The following KCNIP1 variants were observed in gnomAD, a reference collection of about 807,000 sequenced individuals.
KCNIP1 encodes potassium voltage-gated channel interacting protein 1.
KCNIP1 carries 18 observed loss-of-function variants against 33.0 expected under a neutral mutation model. The observed-to-expected ratio is 0.55, with a 90% confidence interval of 0.38 to 0.81. The LOEUF (loss-of-function observed/expected upper bound fraction) is 0.81, where lower values mean the gene tolerates loss of function less well. KCNIP1 is among the 30% of genes least tolerant of loss of function. The pLI is 0.00. For synonymous variants in KCNIP1, 93 were observed against 98.3 expected (o/e 0.95, Z 0.32); for missense variants, 238 against 271.6 (o/e 0.88, Z 0.87).
At chr5:170,664,922 TC>T (rs774345477) in intron 1 of KCNIP1, among the ~76,000 whole-genome samples, 66 of 152,264 alleles carry the variant, frequency 4.3e-4, no homozygotes, top group Non-Finnish European at 9.1e-4. Flanking sequence ...TTTAGTTGAC[TC>T]CCGAACTAAC....
chr5:170,445,310 A>G (rs1015367797), intron 1 of KCNIP1, among the ~76,000 whole-genome samples: 7 of 152,168 alleles, frequency 4.6e-5, no homozygotes, highest in Admixed American at 4.6e-4. Flanking sequence ...CGTTGAATGA[A>G]TGAATGAATA....
intron 1 of KCNIP1, among the ~76,000 whole-genome samples, chr5:170,585,889 C>T (rs1043000581): frequency 6.6e-5 from 10 of 152,226 alleles, no homozygotes; most frequent in African/African-American, 2.2e-4. Flanking sequence ...AACCCTGGCC[C>T]TCCAAGCCCT....
chr5:170,635,424 C>A (rs983226772), intron 1 of KCNIP1, among the ~76,000 whole-genome samples: 4 of 152,194 alleles, frequency 2.6e-5, no homozygotes, highest in African/African-American at 9.7e-5. Flanking sequence ...TGCCTTCCCT[C>A]ACTCCCCTGT....
intron 1 of KCNIP1, among the ~76,000 whole-genome samples, chr5:170,713,880 C>T (rs530056997): frequency 1.7e-3 from 263 of 152,028 alleles, no homozygotes; most frequent in South Asian, 4.8e-3. Context: ...AAAAATTAGC[C>T]GGGCATGGTG....
chr5:170,544,874 A>G (rs1399420662), intron 1 of KCNIP1, among the ~76,000 whole-genome samples: 2 of 152,168 alleles, frequency 1.3e-5, no homozygotes, highest in Non-Finnish European at 2.9e-5. Context: ...TAAACATTTT[A>G]CTTCTGCATA....
chr5:170,599,848 T>TA (rs1378206601), intron 1 of KCNIP1, among the ~76,000 whole-genome samples: 1 of 152,240 alleles, frequency 6.6e-6, no homozygotes, highest in Non-Finnish European at 1.5e-5. Flanking sequence ...AAACAAGCAC[T>TA]TATTGAAAGA....
chr5:170,462,907 G>T (rs908054962), intron 1 of KCNIP1, among the ~76,000 whole-genome samples: 2 of 152,116 alleles, frequency 1.3e-5, no homozygotes, highest in African/African-American at 2.4e-5. Flanking sequence ...TTCATAAGTG[G>T]GAGCTAAACT....
chr5:170,476,265 C>A (rs55972912), intron 1 of KCNIP1, among the ~76,000 whole-genome samples: 2,022 of 152,294 alleles, frequency 0.013, 33 homozygotes, highest in Non-Finnish European at 0.018. Context: ...GCTACTGCAC[C>A]CAGCCTAAAC....
At chr5:170,434,684 C>T (rs1344460433) in intron 1 of KCNIP1, among the ~76,000 whole-genome samples, 2 of 152,130 alleles carry the variant, frequency 1.3e-5, no homozygotes, top group African/African-American at 2.4e-5. Flanking sequence ...GCCTGGTGCG[C>T]TGGCTCATGT....
intron 1 of KCNIP1, among the ~76,000 whole-genome samples, chr5:170,604,471 G>T (rs1758820494): frequency 6.6e-6 from 1 of 152,156 alleles, no homozygotes; most frequent in Non-Finnish European, 1.5e-5. Context: ...AGAACATTTA[G>T]GATCCTTGGC....
At chr5:170,450,745 C>T (rs372067970) in intron 1 of KCNIP1, among the ~76,000 whole-genome samples, 5 of 152,168 alleles carry the variant, frequency 3.3e-5, no homozygotes, top group East Asian at 1.9e-4. Context: ...CAACTTCTAT[C>T]GGTTTTCAGA....
chr5:170,419,193 AAAC>A (rs1468116158), intron 1 of KCNIP1, among the ~76,000 whole-genome samples: 3 of 152,224 alleles, frequency 2.0e-5, no homozygotes, highest in Non-Finnish European at 4.4e-5. Flanking sequence ...TGAAATGGAA[AAAC>A]ATGGCCAGTC....
At chr5:170,444,769 A>T (rs1003087930) in intron 1 of KCNIP1, among the ~76,000 whole-genome samples, 3 of 151,252 alleles carry the variant, frequency 2.0e-5, no homozygotes, top group African/African-American at 7.3e-5. Flanking sequence ...ACCTGAGAAG[A>T]TCTGCGGGCA....
rs1189888295 is a variant in KCNIP1 at position 170,723,718 on chromosome 5, TAG to T, written c.435+904_435+905del. Among the ~76,000 whole-genome samples the T allele has an allele frequency of 3.3e-5, 5 of 152,154 alleles. No homozygotes were observed. The South Asian group carries it at 1.0e-3, about 32-fold the overall frequency. On this transcript the variant is annotated intron_variant, in intron 5 of 7. Coordinates refer to ENST00000328939, the MANE Select transcript of KCNIP1 (RefSeq NM_014592.4). ...GACTAGGCCCCACACTGGAGCAGCA[TAG>T]AGAGATGGACAATAAACAGGCCAAA...
At chr5:170,587,825 T>G (rs753218617) in intron 1 of KCNIP1, among the ~76,000 whole-genome samples, 1 of 152,236 alleles carries the variant, frequency 6.6e-6, no homozygotes, top group Non-Finnish European at 1.5e-5. Context: ...AGGTAACATA[T>G]TCACAGCTTC....
intron 1 of KCNIP1, among the ~76,000 whole-genome samples, chr5:170,361,733 C>T (rs1763517624): frequency 6.6e-6 from 1 of 152,206 alleles, no homozygotes; most frequent in South Asian, 2.1e-4. Flanking sequence ...TCCTGGCTTA[C>T]AGACAGCATC....
intron 1 of KCNIP1, among the ~76,000 whole-genome samples, chr5:170,397,492 G>A (rs974977123): frequency 3.5e-5 from 5 of 142,876 alleles, no homozygotes; most frequent in Non-Finnish European, 7.7e-5. Flanking sequence ...AGCACATGGG[G>A]ACTCCCTGCA....
chr5:170,729,123 C>T (rs1426046630), intron 5 of KCNIP1, among the ~76,000 whole-genome samples: 1 of 151,896 alleles, frequency 6.6e-6, no homozygotes, highest in Non-Finnish European at 1.5e-5. Flanking sequence ...AACACAAAAT[C>T]ACTATAGATA....
rs139050163 is a variant in KCNIP1 at position 170,485,383 on chromosome 5, A to G, written c.88+131419A>G. Among the ~76,000 whole-genome samples the G allele has an allele frequency of 1.4e-3, 219 of 152,080 alleles. 3 individuals are homozygous for G. Among genetic ancestry groups the G allele is most frequent in the South Asian group, 1.5e-3 (7 of 4,820 alleles). On this transcript the variant is annotated intron_variant, in intron 1 of 7. Transcript: ENST00000377360. ...GCTCCTTCCTTCACCACACCTCTCC[A>G]CATCCCAAACTCAAGCCCACAGAGC... is the stretch of plus-strand genomic sequence containing the variant.
Sources: allele counts gnomAD v4.1 joint callset (sites outside exome capture counted in the v4.1 genomes callset), GRCh38; gene constraint gnomAD v4.1.1; transcripts MANE v1.5; gene names NCBI Gene and HGNC (gene_info 2026-07-23, HGNC 2026-07-21).